CACNB2: variants seen among roughly 807,000 people sequenced by gnomAD.
CACNB2 encodes voltage-dependent L-type calcium channel subunit beta-2.
In CACNB2, 42 loss-of-function variants were observed where a neutral mutation model predicts 73.3. That is an observed-to-expected ratio of 0.57 (90% CI 0.45 to 0.74). CACNB2 has a LOEUF of 0.74. Ranked by LOEUF, CACNB2 falls within the 30% of genes least tolerant of loss-of-function variation. The pLI is 0.00. For synonymous variants in CACNB2, 348 were observed against 310.3 expected, an observed-to-expected ratio of 1.12 and a Z score of -1.28; for missense variants, 940 against 853.0, an observed-to-expected ratio of 1.10 and a Z score of -1.27.
chr10:18,532,865 G>A (rs1019914136), intron 10 of CACNB2, among the ~76,000 whole-genome samples: 8 of 151,916 alleles, frequency 5.3e-5, no homozygotes, highest in African/African-American at 7.3e-5. Flanking sequence ...AATGCTTACA[G>A]TAAATATTAA....
chr10:18,246,904 A>G (rs1038809339), intron 2 of CACNB2, among the ~76,000 whole-genome samples: 19 of 152,180 alleles, frequency 1.2e-4, no homozygotes, highest in Non-Finnish European at 1.2e-4. Context: ...GAGCCACCAG[A>G]CCCAGCCCAT....
chr10:18,378,023 A>T (rs1408109191), intron 2 of CACNB2, among the ~76,000 whole-genome samples: 2 of 152,204 alleles, frequency 1.3e-5, no homozygotes. Context: ...GGAGCCAGGA[A>T]CATTCTGCTT....
intron 2 of CACNB2, among the ~76,000 whole-genome samples, chr10:18,399,002 G>C (rs1044099576): frequency 6.6e-6 from 1 of 152,124 alleles, no homozygotes; most frequent in Non-Finnish European, 1.5e-5. Context: ...CCGGGAATGC[G>C]ACCGCGGGAA....
At chr10:18,293,837 A>G (rs2039167898) in intron 2 of CACNB2, among the ~76,000 whole-genome samples, 1 of 152,214 alleles carries the variant, frequency 6.6e-6, no homozygotes, top group Non-Finnish European at 1.5e-5. Context: ...CATGTTAATG[A>G]CTATGATAAA....
intron 3 of CACNB2, among the ~76,000 whole-genome samples, chr10:18,425,663 G>A (rs61841963): frequency 0.23 from 34,455 of 151,992 alleles, 4,229 homozygotes; most frequent in East Asian, 0.54. Context: ...GCAAGACCAT[G>A]TCTCAAAACA....
chr10:18,454,375 T>A (rs1315733905), intron 3 of CACNB2, among the ~76,000 whole-genome samples: 1 of 152,232 alleles, frequency 6.6e-6, no homozygotes, highest in South Asian at 2.1e-4. Context: ...AGGGGCCTTT[T>A]CTAGGCAGTT....
intron 2 of CACNB2, among the ~76,000 whole-genome samples, chr10:18,304,102 T>A (rs2039635007): frequency 6.6e-6 from 1 of 152,172 alleles, no homozygotes; most frequent in African/African-American, 2.4e-5. Flanking sequence ...ACTACAAGCT[T>A]GCACCCCCAC....
chr10:18,476,716 A>C (rs1266341053), intron 3 of CACNB2, among the ~76,000 whole-genome samples: 1 of 152,158 alleles, frequency 6.6e-6, no homozygotes, highest in Non-Finnish European at 1.5e-5. Context: ...AAACAGAGGT[A>C]CTTTCAATTT....
intron 2 of CACNB2, among the ~76,000 whole-genome samples, chr10:18,385,693 CTACCAATGATAGA>C (rs2043204099): frequency 6.7e-6 from 1 of 150,242 alleles, no homozygotes; most frequent in Non-Finnish European, 1.5e-5. Context: ...CGGTGTATTT[CTACCAATGATAGA>C]AAAATACTCT....
intron 3 of CACNB2, among the ~76,000 whole-genome samples, chr10:18,478,768 T>C (rs2048570112): frequency 6.6e-6 from 1 of 152,142 alleles, no homozygotes; most frequent in Non-Finnish European, 1.5e-5. Flanking sequence ...GGAACAGAGA[T>C]AAATTTGTAA....
intron 3 of CACNB2, among the ~76,000 whole-genome samples, chr10:18,452,676 C>T (rs534978025): frequency 6.6e-6 from 1 of 152,238 alleles, no homozygotes; most frequent in African/African-American, 2.4e-5. Context: ...TCCTGAGGAG[C>T]CAGGACTACA....
chr10:18,428,447 G>A (rs1429071354), intron 3 of CACNB2, among the ~76,000 whole-genome samples: 1 of 152,098 alleles, frequency 6.6e-6, no homozygotes, highest in African/African-American at 2.4e-5. Context: ...AGCACTTTGG[G>A]AGGCCAAGGC....
intron 9 of CACNB2, among the ~76,000 whole-genome samples, chr10:18,522,169 C>T (rs1488298017): frequency 2.0e-5 from 3 of 151,992 alleles, no homozygotes; most frequent in African/African-American, 7.3e-5. Context: ...CACTGTCTCC[C>T]ATCAACCCCA....
intron 2 of CACNB2, among the ~76,000 whole-genome samples, chr10:18,164,406 G>C (rs2032695946): frequency 6.6e-6 from 1 of 152,108 alleles, no homozygotes; most frequent in Admixed American, 6.5e-5. Context: ...AAGAAACTAG[G>C]TTATTTGGTT....
chr10:18,486,629 T>C (rs2132892882), intron 3 of CACNB2, among the ~76,000 whole-genome samples: 1 of 152,280 alleles, frequency 6.6e-6, no homozygotes, highest in Admixed American at 6.5e-5. Context: ...GATTAGTTCT[T>C]GCGTATACCC....
At chr10:18,436,476 C>A (rs2046143279) in intron 3 of CACNB2, among the ~76,000 whole-genome samples, 1 of 152,198 alleles carries the variant, frequency 6.6e-6, no homozygotes, top group Admixed American at 6.5e-5. Context: ...TTTCTCTTCC[C>A]TGTCCTCCAT....
At chr10:18,426,356 C>T (rs1454715465) in intron 3 of CACNB2, among the ~76,000 whole-genome samples, 1 of 152,202 alleles carries the variant, frequency 6.6e-6, no homozygotes, top group Non-Finnish European at 1.5e-5. Flanking sequence ...TTAGTTACTA[C>T]AGTCTCTCTC....
chr10:18,291,241 A>G (rs572010750), intron 2 of CACNB2, among the ~76,000 whole-genome samples: 1 of 152,342 alleles, frequency 6.6e-6, no homozygotes, highest in Non-Finnish European at 1.5e-5. Flanking sequence ...ATGGATGCCA[A>G]CAGCAGCTAA....
chr10:18,294,858 T>C (rs944047500), intron 2 of CACNB2, among the ~76,000 whole-genome samples: 38 of 152,218 alleles, frequency 2.5e-4, no homozygotes, highest in Non-Finnish European at 4.6e-4. Context: ...TCCAAGACAG[T>C]CCTCAATTCC....
Sources: allele counts gnomAD v4.1 joint callset (sites outside exome capture counted in the v4.1 genomes callset), GRCh38; gene constraint gnomAD v4.1.1; transcripts MANE v1.5; gene names NCBI Gene and HGNC (gene_info 2026-07-23, HGNC 2026-07-21).